The following ITGA8 variants were observed in gnomAD, a reference collection of about 807,000 sequenced individuals.
ITGA8 encodes integrin alpha-8.
ITGA8 carries 91 observed loss-of-function variants against 142.3 expected under a neutral mutation model. The ratio of observed to expected loss-of-function variants is 0.64; its 90% CI spans 0.54 to 0.76. The LOEUF is 0.76. Among genes scored for constraint, ITGA8 ranks in the 30% least tolerant of loss-of-function variants. The pLI, the probability that ITGA8 is intolerant of heterozygous loss-of-function variation, is 0.00. For missense variants in ITGA8, 1,406 were observed against 1,327.7 expected, an observed-to-expected ratio of 1.06 and a Z score of -0.92; for synonymous variants, 505 against 485.2, an observed-to-expected ratio of 1.04 and a Z score of -0.54.
At chr10:15,532,544 G>C (rs1833330918) in intron 27 of ITGA8, among the ~76,000 whole-genome samples, 1 of 151,352 alleles carries the variant, frequency 6.6e-6, no homozygotes, top group Non-Finnish European at 1.5e-5. Context: ...GAGCTTCTCA[G>C]TGAAAGCTCT....
At chr10:15,644,996 G>C (rs1249975239) in intron 12 of ITGA8, among the ~76,000 whole-genome samples, 1 of 150,760 alleles carries the variant, frequency 6.6e-6, no homozygotes, top group East Asian at 2.0e-4. Context: ...GGGAGGCTGA[G>C]GCAGAGAATT....
intron 3 of ITGA8, 107 bp downstream of exon 3, chr10:15,687,831 G>A: frequency 2.9e-6 from 2 of 697,852 alleles, no homozygotes; most frequent in Non-Finnish European, 5.2e-6. Context: ...ATCGTTGAAA[G>A]TCTAACATGT....
rs570726430 is a variant in ITGA8, at chr10:15,516,290, T to C, written c.*868A>G. The C allele has an allele frequency of 1.6e-4, 25 of 152,324 alleles. No individual in the cohort carries two copies. Among genetic ancestry groups the C allele is most frequent in the African/African-American group, 5.3e-4 (22 of 41,576 alleles). The allele number at this position is 152,324 out of a possible 1,614,324, so 9.4% of individuals were successfully genotyped here. A position where few individuals can be genotyped will look rare whatever the true frequency, so the allele number is the denominator to read the frequency against. ...ACAAGGAAATATAAATGCAACATCTTGCAAAGCTAAATTAAGCAGATGTGA... is the reference window on the plus strand; with the variant it reads ...ACAAGGAAATATAAATGCAACATCTCGCAAAGCTAAATTAAGCAGATGTGA... On this transcript the variant is annotated 3_prime_UTR_variant, in exon 30 of 30. Transcript: ENST00000378076.
At chr10:15,654,518 A>G (rs1359392355) in intron 11 of ITGA8, among the ~76,000 whole-genome samples, 1 of 152,262 alleles carries the variant, frequency 6.6e-6, no homozygotes, top group Non-Finnish European at 1.5e-5. Context: ...CAATTAACAC[A>G]AAGTCCATTG....
chr10:15,521,868 C>T (rs1833078787), intron 28 of ITGA8, among the ~76,000 whole-genome samples: 1 of 152,180 alleles, frequency 6.6e-6, no homozygotes, highest in South Asian at 2.1e-4. Flanking sequence ...ACAAATATTA[C>T]ACATTCTCAT....
chr10:15,640,273 A>G (rs1227341718), intron 13 of ITGA8, among the ~76,000 whole-genome samples: 1 of 152,172 alleles, frequency 6.6e-6, no homozygotes, highest in Non-Finnish European at 1.5e-5. Flanking sequence ...TAGACAAGGA[A>G]TGGATCTCTG....
chr10:15,654,711 G>A (rs554740013), intron 11 of ITGA8, among the ~76,000 whole-genome samples: 1 of 152,304 alleles, frequency 6.6e-6, no homozygotes, highest in South Asian at 2.1e-4. Context: ...AGCCTGGAAC[G>A]TGGTGTGTGA....
In ITGA8 at chr10:15,531,960, A is replaced by AG. The variant is rs1256565667; in HGVS notation, c.2881-810_2881-809insC. ...AACTCTGTCTCAAAAAGAAAAAAAA[A>AG]TCGTAGTATATTTCACAGATTACAC... On this transcript the variant is annotated intron_variant, in intron 27 of 29. Coordinates refer to ENST00000378076, the MANE Select transcript of ITGA8 (RefSeq NM_003638.3). Among the ~76,000 whole-genome samples, 4 of 144,732 alleles carry AG rather than the reference A, an allele frequency of 2.8e-5. No homozygotes were observed. The East Asian group carries it at 8.6e-4, about 31-fold the overall frequency. 94.9% of individuals were successfully genotyped at this position (144,732 alleles called of 152,430 possible).
At chr10:15,677,659 A>G (rs1277641938) in intron 5 of ITGA8, 22 bp from the exon 6 acceptor site, 2 of 1,607,066 alleles carry the variant, frequency 1.2e-6, no homozygotes, top group Non-Finnish European at 1.7e-6. Flanking sequence ...AAACAGCAAC[A>G]GCAACCATAA....
At chr10:15,649,684 A>AAG (rs1834051852) in intron 11 of ITGA8, among the ~76,000 whole-genome samples, 1 of 152,096 alleles carries the variant, frequency 6.6e-6, no homozygotes, top group African/African-American at 2.4e-5. Context: ...GATGGCAAGC[A>AAG]AGCTTATCAG....
intron 24 of ITGA8, among the ~76,000 whole-genome samples, chr10:15,573,699 T>C (rs916287273): frequency 6.6e-6 from 1 of 152,046 alleles, no homozygotes; most frequent in Non-Finnish European, 1.5e-5. Context: ...AAGATGAAAG[T>C]CATAGTCAGA....
At chr10:15,714,664 A>G (rs191025268) in intron 2 of ITGA8, among the ~76,000 whole-genome samples, 19 of 152,332 alleles carry the variant, frequency 1.2e-4, no homozygotes, top group Admixed American at 1.0e-3. Context: ...ATCAAGTTAT[A>G]TGATAAGGTA....
At chr10:15,689,143 T>A (rs558264928) in intron 2 of ITGA8, among the ~76,000 whole-genome samples, 1 of 152,150 alleles carries the variant, frequency 6.6e-6, no homozygotes, top group South Asian at 2.1e-4. Flanking sequence ...TCCAGTAAAA[T>A]GGCAGGACAC....
At chr10:15,535,939 A>C (rs914768025) in intron 27 of ITGA8, among the ~76,000 whole-genome samples, 2 of 151,972 alleles carry the variant, frequency 1.3e-5, no homozygotes, top group Non-Finnish European at 2.9e-5. Flanking sequence ...CCAGACCACA[A>C]ACCCACCGGG....
At chr10:15,689,097 A>T (rs1834885501) in intron 2 of ITGA8, among the ~76,000 whole-genome samples, 1 of 152,218 alleles carries the variant, frequency 6.6e-6, no homozygotes, top group Non-Finnish European at 1.5e-5. Flanking sequence ...TGCCCTAAAG[A>T]TTTCACCAAG....
intron 15 of ITGA8, among the ~76,000 whole-genome samples, chr10:15,611,804 A>G (rs987078506): frequency 2.1e-4 from 3 of 14,594 alleles, no homozygotes; most frequent in African/African-American, 4.0e-4. Flanking sequence ...AATCTGGTTA[A>G]AAAAAAAAAA....
chr10:15,523,756 CAAAAA>C (rs11388685), intron 28 of ITGA8, among the ~76,000 whole-genome samples: 8 of 117,126 alleles, frequency 6.8e-5, no homozygotes, highest in African/African-American at 2.5e-4. Context: ...CTAAAAATAC[CAAAAA>C]AAAAAAAAAA....
At chr10:15,710,034 T>G (rs183987598) in intron 2 of ITGA8, among the ~76,000 whole-genome samples, 1 of 152,220 alleles carries the variant, frequency 6.6e-6, no homozygotes, top group South Asian at 2.1e-4. Context: ...TACAGCACTT[T>G]AGTGAACTCA....
At chr10:15,716,076 T>A (rs1835445752) in intron 2 of ITGA8, among the ~76,000 whole-genome samples, 1 of 152,226 alleles carries the variant, frequency 6.6e-6, no homozygotes, top group Non-Finnish European at 1.5e-5. Context: ...CAGTGGGACC[T>A]CCCTGTCTTT....
Sources: allele counts gnomAD v4.1 joint callset (sites outside exome capture counted in the v4.1 genomes callset), GRCh38; gene constraint gnomAD v4.1.1; transcripts MANE v1.5; gene names NCBI Gene and HGNC (gene_info 2026-07-23, HGNC 2026-07-21).